Variants in GLB1 observed in about 807,000 individuals in gnomAD.
GLB1 encodes the protein beta-galactosidase.
A neutral mutation model predicts 74.0 loss-of-function variants in GLB1; 56 were observed. The observed-to-expected ratio is 0.76, with a 90% CI of 0.61 to 0.94. GLB1 has a LOEUF of 0.94. GLB1 is among the 40% of genes least tolerant of loss of function. The pLI, the probability that GLB1 is intolerant of heterozygous loss-of-function variation, is 0.00. For missense variants in GLB1, 787 were observed against 845.5 expected (o/e 0.93, Z 0.86); for synonymous variants, 323 against 323.6 (o/e 1.00, Z 0.02).
chr3:33,092,896 T>C (rs1389208239), intron 1 of GLB1: 5 of 1,613,940 alleles, frequency 3.1e-6, no homozygotes, highest in Non-Finnish European at 4.2e-6. Flanking sequence ...CTCATGGGTA[T>C]CCCGTAGTAG....
At chr3:33,025,960 T>A (rs1310026938) in intron 10 of GLB1, among the ~76,000 whole-genome samples, 1 of 152,072 alleles carries the variant, frequency 6.6e-6, no homozygotes, top group Non-Finnish European at 1.5e-5. Context: ...AGGTGGTCAG[T>A]CCCTGAAGCC....
chr3:33,038,135 C>T (rs1698358568), intron 10 of GLB1: 1 of 149,714 alleles, frequency 6.7e-6, no homozygotes, highest in African/African-American at 2.5e-5. Flanking sequence ...TTTGGAGAAA[C>T]TCTGGAGTAA....
intron 1 of GLB1, among the ~76,000 whole-genome samples, chr3:33,078,551 A>G (rs146131218): frequency 6.6e-6 from 1 of 152,352 alleles, no homozygotes; most frequent in Non-Finnish European, 1.5e-5. Flanking sequence ...TAATACCATA[A>G]GGAAGCAATA....
chr3:33,072,431 G>GT, intron 2 of GLB1, 113 bp downstream of exon 2: 1 of 1,516,854 alleles, frequency 6.6e-7, no homozygotes, highest in Non-Finnish European at 8.9e-7. Context: ...ACATCACACT[G>GT]GACCATTTCC....
chr3:33,046,388 G>C (rs748152855), intron 9 of GLB1, among the ~76,000 whole-genome samples, 156 bp from the exon 10 acceptor site: 5 of 152,070 alleles, frequency 3.3e-5, no homozygotes, highest in Non-Finnish European at 5.9e-5. Flanking sequence ...AGGATGCAAC[G>C]TTTAGAGGAA....
chr3:33,023,333 T>C (rs1559386736), intron 11 of GLB1, among the ~76,000 whole-genome samples: 1 of 152,178 alleles, frequency 6.6e-6, no homozygotes, highest in Non-Finnish European at 1.5e-5. Flanking sequence ...GTCTGATTAA[T>C]CTAAAGAAAG....
chr3:33,066,749 C>A (rs6792048), intron 4 of GLB1, among the ~76,000 whole-genome samples: 145,287 of 152,202 alleles, frequency 0.95, 69,541 homozygotes, highest in Non-Finnish European at 1. Context: ...CTAATAAATT[C>A]TATATTTATA....
chr3:33,010,260 C>T (rs747031433), intron 15 of GLB1, among the ~76,000 whole-genome samples: 11 of 152,292 alleles, frequency 7.2e-5, no homozygotes, highest in Non-Finnish European at 1.3e-4. Flanking sequence ...GCCTATTGTC[C>T]TTCTTACTAT....
chr3:33,069,084 C>T lies in GLB1; in HGVS notation c.246-114G>A, dbSNP rs536299074. The T allele has an allele frequency of 4.2e-5, 65 of 1,562,786 alleles. No homozygotes were observed. The Admixed American group carries it at 4.7e-4, about 11-fold the overall frequency. On this transcript the variant is annotated intron_variant, in intron 2 of 15. Coordinates refer to ENST00000307363, the MANE Select transcript of GLB1 (RefSeq NM_000404.4). Reference sequence around the variant, plus strand: ...TAACACATGGATAAGAGGGAGAAGGCGCTTTGAAAGAAAAATTATCCAAGG... The same window carrying T: ...TAACACATGGATAAGAGGGAGAAGGTGCTTTGAAAGAAAAATTATCCAAGG...
chr3:32,999,766 T>G (rs1179388294), intron 15 of GLB1, among the ~76,000 whole-genome samples: 1 of 152,146 alleles, frequency 6.6e-6, no homozygotes, highest in Non-Finnish European at 1.5e-5. Context: ...TTCTTGTTCC[T>G]CCGCCTTCTG....
chr3:33,077,495 G>C, intron 1 of GLB1: 1 of 725,242 alleles, frequency 1.4e-6, no homozygotes. Flanking sequence ...CTACTAAAAA[G>C]GGAACCTCCC....
chr3:33,091,665 G>C, intron 1 of GLB1: 1 of 984,946 alleles, frequency 1.0e-6, no homozygotes, highest in Non-Finnish European at 1.2e-6. Context: ...TTTTAGGGTT[G>C]ATGGAAACCA....
intron 1 of GLB1, chr3:33,077,239 T>C: frequency 6.4e-7 from 1 of 1,558,982 alleles, no homozygotes; most frequent in Non-Finnish European, 8.7e-7. Flanking sequence ...GAATCGAGAC[T>C]GAGAACAAAG....
the GLB1 span, among the ~76,000 whole-genome samples, chr3:32,970,448 T>C: frequency 6.6e-6 from 1 of 152,066 alleles, no homozygotes; most frequent in Non-Finnish European, 1.5e-5. Flanking sequence ...AAAAGGCAAA[T>C]GCAGGCTTTA....
chr3:32,962,679 A>T, the GLB1 span, among the ~76,000 whole-genome samples: 1 of 151,954 alleles, frequency 6.6e-6, no homozygotes. Flanking sequence ...CAATCAGGAG[A>T]TGTGGGATAA....
chr3:33,076,345 A>C (rs527709945), intron 1 of GLB1, among the ~76,000 whole-genome samples: 22 of 152,350 alleles, frequency 1.4e-4, no homozygotes, highest in Non-Finnish European at 2.8e-4. Context: ...GCAGAGGAGG[A>C]GGCCAGGGCC....
chr3:33,068,710 C>T, intron 3 of GLB1, 110 bp downstream of exon 3: 1 of 1,588,228 alleles, frequency 6.3e-7, no homozygotes, highest in Non-Finnish European at 8.6e-7. Context: ...TGGGTACAGT[C>T]CCAGGCCCCA....
At chr3:33,082,344 A>T (rs1700352884) in intron 1 of GLB1, among the ~76,000 whole-genome samples, 1 of 152,192 alleles carries the variant, frequency 6.6e-6, no homozygotes, top group Admixed American at 6.5e-5. Context: ...CCTCATAATG[A>T]GTAGGAGCCA....
chr3:32,985,943 C>T, the GLB1 span, among the ~76,000 whole-genome samples: 6 of 152,166 alleles, frequency 3.9e-5, no homozygotes, highest in Non-Finnish European at 8.8e-5. Flanking sequence ...AACTCCTGAC[C>T]TCAGGTGATC....
Sources: allele counts gnomAD v4.1 joint callset (sites outside exome capture counted in the v4.1 genomes callset), GRCh38; gene constraint gnomAD v4.1.1; transcripts MANE v1.5; gene names NCBI Gene and HGNC (gene_info 2026-07-23, HGNC 2026-07-21).